Variants in CHD2 observed in about 807,000 individuals in gnomAD.
CHD2 encodes the protein chromodomain helicase DNA binding protein 2.
Under a neutral mutation model 243.9 loss-of-function variants are expected in CHD2, and 28 were observed. The ratio of observed to expected loss-of-function variants is 0.11; its 90% CI spans 0.09 to 0.16. CHD2 has a LOEUF of 0.16. CHD2 is among the 10% of genes least tolerant of loss of function. CHD2 has a pLI of 1.00. For missense variants in CHD2, 1,386 were observed against 2,209.8 expected (o/e 0.63, Z 7.47); for synonymous variants, 775 against 779.0 (o/e 0.99, Z 0.09).
At position 92,953,589 on chromosome 15, in the gene CHD2, G is replaced by A. The variant is rs755236242; in HGVS notation, c.1719+16G>A. 7 of 1,606,272 alleles carry A rather than the reference G, an allele frequency of 4.4e-6. No homozygotes were observed. The South Asian group carries it at 6.6e-5, about 15-fold the overall frequency. On this transcript the variant is annotated intron_variant, in intron 14 of 38. Coordinates refer to ENST00000394196, the MANE Select transcript of CHD2 (RefSeq NM_001271.4). ...CAGAAATACGGTGTGTAAACAAAAA[G>A]AGCTGGGTTAGAATCTGTGTTATAA...
intron 17 of CHD2, among the ~76,000 whole-genome samples, chr15:92,968,053 GT>G (rs1288537899): frequency 5.3e-5 from 8 of 152,056 alleles, no homozygotes; most frequent in African/African-American, 1.9e-4. Flanking sequence ...CATTTTGCTT[GT>G]TTGGGGATCG....
chr15:92,940,992 T>C (rs956304032), intron 7 of CHD2, among the ~76,000 whole-genome samples: 1 of 115,728 alleles, frequency 8.6e-6, no homozygotes, highest in Non-Finnish European at 1.7e-5. Context: ...AATATATATA[T>C]AAATATATAT....
At chr15:92,947,795 T>A (rs912373402) in intron 12 of CHD2, among the ~76,000 whole-genome samples, 4 of 152,140 alleles carry the variant, frequency 2.6e-5, no homozygotes, top group African/African-American at 9.7e-5. Flanking sequence ...GCAGTCGGAT[T>A]CCATTCACTG....
At chr15:93,000,232 C>T (rs2054237084) in intron 31 of CHD2, among the ~76,000 whole-genome samples, 1 of 152,008 alleles carries the variant, frequency 6.6e-6, no homozygotes, top group Non-Finnish European at 1.5e-5. Flanking sequence ...CACCTCTACA[C>T]TCCAGCCTGG....
rs1356292943 is a variant in CHD2 at position 92,998,650 on chromosome 15, C to T, written c.4008+29C>T. The T allele has an allele frequency of 8.7e-6, 14 of 1,606,940 alleles. No homozygotes were observed. In the South Asian group the frequency reaches 1.5e-4, roughly 18 times the overall value. ...AGTACGCTGCCAGCTGGTTGTTTTTCAGGGGCCTGAGGCTCCTACCCTGCA... is the reference window on the plus strand; with the variant it reads ...AGTACGCTGCCAGCTGGTTGTTTTTTAGGGGCCTGAGGCTCCTACCCTGCA... On this transcript the variant is annotated intron_variant, in intron 31 of 38. Coordinates refer to ENST00000394196, the MANE Select transcript of CHD2 (RefSeq NM_001271.4). The surrounding 1 kb of genome is among the most constrained non-coding windows in gnomAD (Gnocchi z 5.1).
chr15:92,912,778 C>T (rs1388404204), intron 2 of CHD2, among the ~76,000 whole-genome samples: 1 of 147,326 alleles, frequency 6.8e-6, no homozygotes, highest in Non-Finnish European at 1.5e-5. Context: ...TCGTGATCCG[C>T]CAACCTTGTG....
chr15:92,924,184 A>G (rs780395101), intron 2 of CHD2, 137 bp from the exon 3 acceptor site: 1 of 648,940 alleles, frequency 1.5e-6, no homozygotes, highest in Non-Finnish European at 2.6e-6. Context: ...GTAAAAGTAT[A>G]AATGTGAATT....
In CHD2 at chr15:92,998,343, G is replaced by T; in HGVS notation, c.3886-156G>T. On this transcript the variant is annotated intron_variant, in intron 30 of 38. Transcript: ENST00000394196. This position sits in a 1 kb window ranked among gnomAD's most constrained non-coding sequence, Gnocchi z 5.1. ...CTCGTGAGGGATTTTCAGTGACTGG[G>T]AGCCATGGACATGAGATAGGATCTG... 7.3e-7 allele frequency: 1 copy of T among 1,378,154 alleles called. No homozygotes were observed. 85.4% of individuals were successfully genotyped at this position (1,378,154 alleles called of 1,614,324 possible). A position where few individuals can be genotyped will look rare whatever the true frequency, so the allele number is the denominator to read the frequency against.
chr15:93,006,124 CT>C (rs55820002), intron 34 of CHD2, among the ~76,000 whole-genome samples: 385 of 125,270 alleles, frequency 3.1e-3, no homozygotes, highest in Middle Eastern at 8.9e-3. Context: ...CTCTCTCTCT[CT>C]TTTTTTTTTT....
intron 2 of CHD2, chr15:92,902,665 T>C (rs1489420347): frequency 6.6e-6 from 1 of 152,402 alleles, no homozygotes; most frequent in African/African-American, 2.4e-5. Context: ...ATTACTAGAT[T>C]AAATTGAGGA....
At chr15:92,990,888 A>G (rs375448612) in intron 26 of CHD2, among the ~76,000 whole-genome samples, 2 of 152,214 alleles carry the variant, frequency 1.3e-5, no homozygotes, top group Non-Finnish European at 2.9e-5. Context: ...AGAGACTTGC[A>G]GGAAGATAGA....
Position 93,019,993 on chromosome 15 carries a change from ATTCT to A in CHD2, c.4907-12_4907-9del, listed in dbSNP as rs764356498. 15 of 1,603,434 alleles carry A rather than the reference ATTCT, an allele frequency of 9.4e-6. No homozygotes were observed. The highest frequency in any genetic ancestry group is 2.2e-5 in the South Asian group (2 of 90,428). On this transcript the variant is annotated splice_polypyrimidine_tract_variant and intron_variant, in intron 37 of 38. Coordinates refer to ENST00000394196, the MANE Select transcript of CHD2 (RefSeq NM_001271.4). ...ATCCATTTCTTGCAGTCATCAGATC[ATTCT>A]TTCTTTTCCTGCAGATCGAGGAGAC... is the stretch of plus-strand genomic sequence containing the variant.
In CHD2 at chr15:93,000,580, T is replaced by C. The variant is rs1384199370; in HGVS notation, c.4077T>C (p.His1359=). Residue 1359 remains histidine (H), a synonymous_variant, in exon 32 of 39, where the codon CAT becomes CAC. Transcript: ENST00000394196. Reference sequence around the variant, plus strand: ...AAGTGCCCAGGCTGAAAGAGGAGCATGGAATTGAGCTTTCATCTCCTAGGC... The same window carrying C: ...AAGTGCCCAGGCTGAAAGAGGAGCACGGAATTGAGCTTTCATCTCCTAGGC... The part of the protein sequence containing the change: ...ENKVPRLKEE[H]GIELSSPRHS... The C allele has an allele frequency of 3.7e-6, 6 of 1,613,506 alleles. No individual in the cohort carries two copies. Among genetic ancestry groups the C allele is most frequent in the Non-Finnish European group, 3.4e-6 (4 of 1,179,686 alleles).
rs2054214409 is a variant in CHD2 at position 92,998,720 on chromosome 15, A to G, written c.4008+99A>G. On this transcript the variant is annotated intron_variant, in intron 31 of 38. Coordinates refer to ENST00000394196, the MANE Select transcript of CHD2 (RefSeq NM_001271.4). This position sits in a 1 kb window ranked among gnomAD's most constrained non-coding sequence, Gnocchi z 5.1. Reference sequence around the variant, plus strand: ...AGGCCCTCTCTGAGCACTGCACAGAATGTCACCTTCTCATGGGCATATTTT... The same window carrying G: ...AGGCCCTCTCTGAGCACTGCACAGAGTGTCACCTTCTCATGGGCATATTTT... 2 of 1,373,192 alleles carry G rather than the reference A, an allele frequency of 1.5e-6. No homozygotes were observed. Among genetic ancestry groups the G allele is most frequent in the Non-Finnish European group, 2.0e-6 (2 of 1,006,736 alleles). 85.1% of individuals were successfully genotyped at this position (1,373,192 alleles called of 1,614,324 possible). A position where few individuals can be genotyped will look rare whatever the true frequency, so the allele number is the denominator to read the frequency against.
chr15:92,996,001 A>G lies in CHD2; in HGVS notation c.3596-956A>G, dbSNP rs2054182329. 2.6e-5 allele frequency among the ~76,000 whole-genome samples: 4 copies of G among 152,234 alleles called. No homozygotes were observed. In the South Asian group the frequency reaches 8.3e-4, roughly 32 times the overall value. ...CTAAGGGTCACTTGCATTTTGTTCT[A>G]TAAAGTGTCTATTCATGTGTGCTGC... On this transcript the variant is annotated intron_variant, in intron 28 of 38. Transcript: ENST00000394196.
chr15:93,022,960 T>A (rs180766068), intron 38 of CHD2, among the ~76,000 whole-genome samples: 61 of 152,382 alleles, frequency 4.0e-4, no homozygotes, highest in African/African-American at 1.4e-3. Flanking sequence ...GTAAATCTAG[T>A]CCCTGTTATT....
At chr15:92,909,886 A>G (rs1002301573) in intron 2 of CHD2, among the ~76,000 whole-genome samples, 2 of 151,916 alleles carry the variant, frequency 1.3e-5, no homozygotes, top group African/African-American at 4.8e-5. Flanking sequence ...ACCAAAGTAG[A>G]TTTATATTTA....
chr15:93,024,545 C>T lies in CHD2; in HGVS notation c.5327C>T (p.Pro1776Leu). ...HTDKLGEYKQ[P>L]LPPLHPAVSD... ...GATAAACTGGGGGAATATAAACAGC[C>T]TCTACCCCCATTGCACCCTGCAGTC... Residue 1776 changes from proline (P) to leucine (L), a missense_variant, in exon 39 of 39, where the codon CCT (proline) becomes CTT (leucine). Around this residue, in one of 19 missense-constraint regions of CHD2, gnomAD observed 347 missense variants for 341.6 expected, o/e 1.02. Coordinates refer to ENST00000394196, the MANE Select transcript of CHD2 (RefSeq NM_001271.4). 1 of 1,614,212 alleles carries T rather than the reference C, an allele frequency of 6.2e-7. No individual in the cohort carries two copies. Among genetic ancestry groups the T allele is most frequent in the Non-Finnish European group, 8.5e-7 (1 of 1,180,044 alleles).
chr15:93,009,070 G>C, intron 34 of CHD2, 75 bp from the exon 35 acceptor site: 1 of 1,510,228 alleles, frequency 6.6e-7, no homozygotes, highest in Non-Finnish European at 9.0e-7. Flanking sequence ...TGTTTTCATC[G>C]AGAGCACAGT....
Sources: allele counts gnomAD v4.1 joint callset (sites outside exome capture counted in the v4.1 genomes callset), GRCh38; gene constraint gnomAD v4.1.1; regional missense constraint gnomAD v4.1.1; non-coding constraint Gnocchi (gnomAD v3.1); transcripts MANE v1.5; gene names NCBI Gene and HGNC (gene_info 2026-07-23, HGNC 2026-07-21).